Variants in TTC12 observed in about 807,000 individuals in gnomAD.
TTC12 encodes tetratricopeptide repeat domain 12, also known as tetratricopeptide repeat protein 12.
TTC12 carries 70 observed loss-of-function variants against 90.1 expected under a neutral mutation model. That is an observed-to-expected ratio of 0.78 (90% confidence interval 0.64 to 0.95). The LOEUF is 0.95. Among genes scored for constraint, TTC12 ranks in the 40% least tolerant of loss-of-function variants. The pLI is 0.00. For missense variants in TTC12, 819 were observed against 846.1 expected, an observed-to-expected ratio of 0.97 and a Z score of 0.40; for synonymous variants, 296 against 311.5, an observed-to-expected ratio of 0.95 and a Z score of 0.53.
At chr11:113,338,890 G>A in intron 9 of TTC12, 56 bp downstream of exon 9, 1 of 1,483,980 alleles carries the variant, frequency 6.7e-7, no homozygotes, top group Admixed American at 1.7e-5. Context: ...TCTGCCCCCT[G>A]CCTTAGAATG....
At chr11:113,351,213 A>T in intron 14 of TTC12, 26 bp from the exon 15 acceptor site, 1 of 1,610,758 alleles carries the variant, frequency 6.2e-7, no homozygotes, top group Non-Finnish European at 8.5e-7. Flanking sequence ...TGTAAAAATA[A>T]ATCCTGGCTG....
intron 7 of TTC12, among the ~76,000 whole-genome samples, chr11:113,331,618 C>T (rs1345537721): frequency 3.3e-5 from 5 of 152,178 alleles, no homozygotes; most frequent in African/African-American, 2.4e-5. Context: ...GGAAGAAACA[C>T]GATCTCCTCA....
intron 2 of TTC12, among the ~76,000 whole-genome samples, chr11:113,319,248 A>G (rs1480930771): frequency 3.3e-5 from 5 of 152,174 alleles, no homozygotes; most frequent in African/African-American, 4.8e-5. Context: ...AAGGTATTCT[A>G]TGCAAACTCA....
chr11:113,330,336 C>A (rs1302171461), intron 7 of TTC12, among the ~76,000 whole-genome samples: 1 of 152,128 alleles, frequency 6.6e-6, no homozygotes, highest in Non-Finnish European at 1.5e-5. Flanking sequence ...GCTGTTCTTC[C>A]TTGTCAGTTT....
intron 7 of TTC12, 69 bp from the exon 8 acceptor site, chr11:113,334,897 A>G (rs1325501517): frequency 1.6e-6 from 2 of 1,277,756 alleles, no homozygotes; most frequent in East Asian, 2.3e-5. Flanking sequence ...TTTTAGCTGT[A>G]TAGTGAGGGG....
At chr11:113,325,799 A>G in intron 6 of TTC12, 154 bp downstream of exon 6, 2 of 910,264 alleles carry the variant, frequency 2.2e-6, no homozygotes, top group South Asian at 1.8e-5. Context: ...TATACACAGC[A>G]TTTACCAGTT....
Position 113,351,292 on chromosome 11 carries a change from G to A in TTC12, c.1301G>A (p.Gly434Asp). 1 of 1,613,854 alleles carries A rather than the reference G, an allele frequency of 6.2e-7. No individual in the cohort carries two copies. Among genetic ancestry groups the A allele is most frequent in the Non-Finnish European group, 8.5e-7 (1 of 1,179,788 alleles). Residue 434 changes from glycine to aspartate, a missense_variant, in exon 15 of 22, where the codon GGC (glycine) becomes GAC (aspartate). Transcript: ENST00000529221. ...NLPGVLPALT[G>D]VLKTDPKVSS... ...CCAGGTGTTCTCCCTGCACTCACAG[G>A]CGTTCTGGTGAGCAAACTGTCATTT... is the stretch of plus-strand genomic sequence containing the variant.
rs781838476 is a variant in TTC12 at position 113,329,946 on chromosome 11, G to A, written c.471G>A (p.Glu157=). Residue 157 remains glutamate (E), a synonymous_variant, in exon 7 of 22, where the codon GAG becomes GAA. Transcript: ENST00000529221. ...CTTATATGAAACTTGAGGACTATGAGAAGGCACTGGTGGATTGTGAGTGGG... is the reference window on the plus strand; with the variant it reads ...CTTATATGAAACTTGAGGACTATGAAAAGGCACTGGTGGATTGTGAGTGGG... ...AQAYMKLEDY[E]KALVDCEWAL... 3.7e-6 allele frequency: 6 copies of A among 1,613,798 alleles called. No individual in the cohort carries two copies. Among genetic ancestry groups the A allele is most frequent in the Non-Finnish European group, 4.2e-6 (5 of 1,179,662 alleles).
chr11:113,319,390 G>T (rs1190112459), intron 2 of TTC12, among the ~76,000 whole-genome samples: 2 of 151,994 alleles, frequency 1.3e-5, no homozygotes, highest in Non-Finnish European at 2.9e-5. Context: ...TCCTGGAATA[G>T]GAAAAGGGCA....
chr11:113,367,131 C>A (rs1209992838), downstream of TTC12, among the ~76,000 whole-genome samples: 1 of 152,178 alleles, frequency 6.6e-6, no homozygotes, highest in Non-Finnish European at 1.5e-5. Context: ...ACTGCAAGTC[C>A]CTAAGTGAGA....
chr11:113,320,981 G>A (rs1471804128), intron 2 of TTC12, among the ~76,000 whole-genome samples: 1 of 151,924 alleles, frequency 6.6e-6, no homozygotes, highest in Non-Finnish European at 1.5e-5. Context: ...GGTTCAAATC[G>A]AGCCTGGACA....
At position 113,324,027 on chromosome 11, in the gene TTC12, A is replaced by G; in HGVS notation, c.244+12A>G. The G allele has an allele frequency of 7.5e-6, 12 of 1,608,378 alleles. No homozygotes were observed. The highest frequency in any genetic ancestry group is 9.4e-6 in the Non-Finnish European group (11 of 1,175,234). On this transcript the variant is annotated intron_variant, in intron 4 of 21. Coordinates refer to ENST00000529221, the MANE Select transcript of TTC12 (RefSeq NM_017868.4). ...AGAAATAAACTCAGGTAAGGACAGCATCTCTCTTCCCAATTTTCATTCTTT... is the reference window on the plus strand; with the variant it reads ...AGAAATAAACTCAGGTAAGGACAGCGTCTCTCTTCCCAATTTTCATTCTTT...
chr11:113,366,486 G>A, downstream of TTC12: 1 of 1,009,974 alleles, frequency 9.9e-7, no homozygotes, highest in South Asian at 1.7e-5. Context: ...TGGGCTCTGT[G>A]CACTGGCTTA....
Position 113,359,996 on chromosome 11 carries a change from A to T in TTC12, c.1602A>T (p.Gly534=), listed in dbSNP as rs782533737. 6.3e-7 allele frequency: 1 copy of T among 1,596,004 alleles called. No individual in the cohort carries two copies. The highest frequency in any genetic ancestry group is 1.7e-5 in the Admixed American group (1 of 57,258). Residue 534 remains glycine, a synonymous_variant, in exon 18 of 22, where the codon GGA becomes GGT. Coordinates refer to ENST00000529221, the MANE Select transcript of TTC12 (RefSeq NM_017868.4). The part of the protein sequence containing the change: ...RCLSLLNSQD[G]GILTRAAGVL... ...TGTCTTTACTAAACAGCCAGGATGG[A>T]GGAATCCTGACAGTAAGTTTCTCCC...
intron 17 of TTC12, 100 bp downstream of exon 17, chr11:113,359,561 A>G: frequency 1.3e-6 from 1 of 794,188 alleles, no homozygotes. Flanking sequence ...AGAAGCATGT[A>G]CACTCACACA....
chr11:113,368,012 C>T (rs1250634690), downstream of TTC12, among the ~76,000 whole-genome samples: 2 of 152,184 alleles, frequency 1.3e-5, no homozygotes, highest in African/African-American at 2.4e-5. Context: ...GCTTTGAAAA[C>T]GGAAAGGCTG....
intron 9 of TTC12, 118 bp downstream of exon 9, chr11:113,338,952 C>G (rs1167669690): frequency 3.4e-6 from 3 of 886,518 alleles, no homozygotes; most frequent in Non-Finnish European, 3.7e-6. Context: ...GATCCTCTTT[C>G]CTGCACAGTT....
Position 113,359,930 on chromosome 11 carries a change from A to G in TTC12, c.1546-10A>G, listed in dbSNP as rs375545237. 1.1e-5 allele frequency: 17 copies of G among 1,588,670 alleles called. No homozygotes were observed. In the East Asian group the frequency reaches 2.9e-4, roughly 27 times the overall value. Reference sequence around the variant, plus strand: ...TAAAATCTCCTGCTGGCCTCTCCCCATTGTTGTAGGTTTGGGCTGTGGAGG... The same window carrying G: ...TAAAATCTCCTGCTGGCCTCTCCCCGTTGTTGTAGGTTTGGGCTGTGGAGG... On this transcript the variant is annotated splice_polypyrimidine_tract_variant and intron_variant, in intron 17 of 21. Coordinates refer to ENST00000529221, the MANE Select transcript of TTC12 (RefSeq NM_017868.4).
intron 1 of TTC12, among the ~76,000 whole-genome samples, chr11:113,315,717 T>C (rs1946894572): frequency 6.6e-6 from 1 of 152,232 alleles, no homozygotes; most frequent in Admixed American, 6.5e-5. Flanking sequence ...GGTAACATTA[T>C]GTTCTAATCC....
Sources: gnomAD v4.1 joint callset for allele counts (sites outside exome capture counted in the v4.1 genomes callset) on GRCh38, gnomAD v4.1.1 for gene constraint, MANE v1.5 for transcripts, NCBI Gene and HGNC (gene_info 2026-07-23, HGNC 2026-07-21) for gene names.